ZNF709: variants seen among roughly 807,000 people sequenced by gnomAD.
ZNF709 encodes the protein zinc finger protein 709.
Under a neutral mutation model 10.6 loss-of-function variants are expected in ZNF709, and 15 were observed. The observed-to-expected ratio is 1.41, with a 90% CI of 0.95 to 2.18. The LOEUF is 2.18. Ranked by LOEUF, ZNF709 falls within the 30% of genes most tolerant of loss-of-function variation. The pLI, the probability that ZNF709 is intolerant of heterozygous loss-of-function variation, is 0.00. For missense variants in ZNF709, 589 were observed against 774.0 expected, an observed-to-expected ratio of 0.76 and a Z score of 2.84; for synonymous variants, 194 against 238.8, an observed-to-expected ratio of 0.81 and a Z score of 1.73.
chr19:12,476,108 T>C (rs1970676126), intron 1 of ZNF709, among the ~76,000 whole-genome samples: 2 of 152,174 alleles, frequency 1.3e-5, no homozygotes, highest in African/African-American at 4.8e-5. Context: ...ATGTAAAATC[T>C]AGGCCAGGAG....
At chr19:12,482,337 AC>A (rs1434072268) in intron 1 of ZNF709, among the ~76,000 whole-genome samples, 15 of 152,098 alleles carry the variant, frequency 9.9e-5, no homozygotes, top group Non-Finnish European at 1.5e-5. Context: ...TTGGGCAACA[AC>A]CTTTAGAGTG....
intron 1 of ZNF709, among the ~76,000 whole-genome samples, chr19:12,478,854 C>T (rs954515512): frequency 2.6e-5 from 4 of 152,024 alleles, no homozygotes; most frequent in African/African-American, 4.8e-5. Context: ...GTGTGCAGCA[C>T]GAGGAGAAGA....
At chr19:12,467,992 C>T (rs1198075721) in intron 1 of ZNF709, among the ~76,000 whole-genome samples, 1 of 150,906 alleles carries the variant, frequency 6.6e-6, no homozygotes, top group Non-Finnish European at 1.5e-5. Context: ...GGTCAGCCCC[C>T]GCACGGCCAG....
In ZNF709 at chr19:12,463,797, C is replaced by T. The variant is rs1328066418; in HGVS notation, c.*199G>A. On this transcript the variant is annotated 3_prime_UTR_variant, in exon 4 of 4. Coordinates refer to ENST00000397732, the MANE Select transcript of ZNF709 (RefSeq NM_152601.4). ...CAAAAATTAAGTGGGCATGGTCGTT[C>T]ACACCTGTTGTCCCAGCTACTCAGG... 1.2e-5 allele frequency: 5 copies of T among 414,388 alleles called. No homozygotes were observed. The highest frequency in any genetic ancestry group is 1.7e-5 in the Non-Finnish European group (4 of 239,824). The allele number at this position is 414,388 out of a possible 1,614,324, so 25.7% of individuals were successfully genotyped here. A position where few individuals can be genotyped will look rare whatever the true frequency, so the allele number is the denominator to read the frequency against.
At chr19:12,484,125 G>A (rs1051276137) in intron 1 of ZNF709, among the ~76,000 whole-genome samples, 1 of 152,216 alleles carries the variant, frequency 6.6e-6, no homozygotes, top group African/African-American at 2.4e-5. Flanking sequence ...CTGGAGAGAA[G>A]ACATTGGCAT....
chr19:12,474,440 G>A lies in ZNF709; in HGVS notation c.4-7590C>T, dbSNP rs570732970. 2.0e-5 allele frequency among the ~76,000 whole-genome samples: 3 copies of A among 152,212 alleles called. No individual in the cohort carries two copies. In the East Asian group the frequency reaches 5.8e-4, roughly 29 times the overall value. ...ACATTCATCTGTTGACACACATTTA[G>A]GTTGTTTACATATCTTGGCTGTTGT... On this transcript the variant is annotated intron_variant, in intron 1 of 3. Coordinates refer to ENST00000397732, the MANE Select transcript of ZNF709 (RefSeq NM_152601.4).
chr19:12,480,171 C>T (rs1004861403), intron 1 of ZNF709, among the ~76,000 whole-genome samples: 1 of 151,322 alleles, frequency 6.6e-6, no homozygotes, highest in Non-Finnish European at 1.5e-5. Flanking sequence ...AAAAAACAAA[C>T]AAAAACTTAA....
chr19:12,466,210 G>A (rs1970569480), intron 3 of ZNF709, among the ~76,000 whole-genome samples: 1 of 152,070 alleles, frequency 6.6e-6, no homozygotes, highest in African/African-American at 2.4e-5. Flanking sequence ...CAAAGTGCTA[G>A]GATTACAGGC....
intron 1 of ZNF709, among the ~76,000 whole-genome samples, chr19:12,472,790 C>T (rs1970644634): frequency 6.7e-6 from 1 of 149,874 alleles, no homozygotes; most frequent in Non-Finnish European, 1.5e-5. Context: ...AGCCAAGACA[C>T]GAGGATTGCT....
chr19:12,471,420 T>C (rs1970633959), intron 1 of ZNF709, among the ~76,000 whole-genome samples: 1 of 152,148 alleles, frequency 6.6e-6, no homozygotes, highest in Non-Finnish European at 1.5e-5. Context: ...CTTATAAAAT[T>C]CTTAAAATAG....
chr19:12,466,902 G>GTA, intron 1 of ZNF709, 52 bp from the exon 2 acceptor site: 1 of 1,574,980 alleles, frequency 6.3e-7, no homozygotes, highest in East Asian at 2.3e-5. Context: ...ACAGCACTGG[G>GTA]GATATAAACT....
At chr19:12,478,790 C>G (rs1021300397) in intron 1 of ZNF709, among the ~76,000 whole-genome samples, 11 of 152,272 alleles carry the variant, frequency 7.2e-5, no homozygotes, top group Admixed American at 7.2e-4. Context: ...TGCTCAAGGG[C>G]AGGAGCTTCT....
intron 1 of ZNF709, among the ~76,000 whole-genome samples, chr19:12,478,223 T>G (rs1275723055): frequency 6.6e-6 from 1 of 152,170 alleles, no homozygotes; most frequent in Non-Finnish European, 1.5e-5. Context: ...GAGCACCTTG[T>G]ATGCCAGGTC....
Position 12,479,868 on chromosome 19 carries a change from C to CA in ZNF709, c.3+4786dup, listed in dbSNP as rs573072264. 2.4e-4 allele frequency among the ~76,000 whole-genome samples: 36 copies of CA among 149,318 alleles called. 1 individual carries two copies. The South Asian group carries it at 4.4e-3, about 18-fold the overall frequency. ...CTGGTGACAGAGTGAGACTCTGTCT[C>CA]AAAAAAAAAGACTGAATCCAGCTGG... On this transcript the variant is annotated intron_variant, in intron 1 of 3. Coordinates refer to ENST00000397732, the MANE Select transcript of ZNF709 (RefSeq NM_152601.4).
rs565088684 is a variant in ZNF709, at chr19:12,467,763, G to T, written c.4-913C>A. 7.6e-3 allele frequency among the ~76,000 whole-genome samples: 1,150 copies of T among 151,186 alleles called. 11 individuals carry two copies. Among genetic ancestry groups the T allele is most frequent in the African/African-American group, 0.021 (877 of 41,158 alleles). The stretch of plus-strand genomic sequence containing the variant: ...CGCCTCTGCCCCGCCGCCCCGTCTG[G>T]GATGTGAGGAGTGCCTCTGCCCGGC... On this transcript the variant is annotated intron_variant, in intron 1 of 3. Coordinates refer to ENST00000397732, the MANE Select transcript of ZNF709 (RefSeq NM_152601.4).
chr19:12,468,052 G>T (rs1440154516), intron 1 of ZNF709, among the ~76,000 whole-genome samples: 2 of 148,532 alleles, frequency 1.3e-5, no homozygotes, highest in Non-Finnish European at 3.0e-5. Context: ...CCGGCCAGCC[G>T]TCCCGTCCGG....
intron 1 of ZNF709, among the ~76,000 whole-genome samples, chr19:12,469,354 A>G (rs977830473): frequency 1.3e-5 from 2 of 152,184 alleles, no homozygotes; most frequent in Non-Finnish European, 2.9e-5. Flanking sequence ...ACTTGTTTGT[A>G]TAATATTTAT....
intron 1 of ZNF709, among the ~76,000 whole-genome samples, chr19:12,470,893 C>T (rs2144996275): frequency 6.7e-6 from 1 of 149,328 alleles, no homozygotes; most frequent in South Asian, 2.1e-4. Flanking sequence ...TGCCACTGCA[C>T]TCCAGCCTGG....
intron 1 of ZNF709, among the ~76,000 whole-genome samples, chr19:12,482,562 T>C (rs1970738329): frequency 6.6e-6 from 1 of 152,108 alleles, no homozygotes; most frequent in African/African-American, 2.4e-5. Context: ...TCTCCTGGCC[T>C]TTACAGACTT....
Sources: gnomAD v4.1 joint callset for allele counts (sites outside exome capture counted in the v4.1 genomes callset) on GRCh38, gnomAD v4.1.1 for gene constraint, MANE v1.5 for transcripts, NCBI Gene and HGNC (gene_info 2026-07-23, HGNC 2026-07-21) for gene names.